Variants in RBFOX1 observed in about 807,000 individuals in gnomAD.
RBFOX1 encodes the protein RNA binding protein fox-1 homolog 1.
Under a neutral mutation model 57.7 loss-of-function variants are expected in RBFOX1, and 8 were observed. The ratio of observed to expected loss-of-function variants is 0.14; its 90% CI spans 0.08 to 0.25. The LOEUF is 0.25. Among genes scored for constraint, RBFOX1 ranks in the 10% least tolerant of loss-of-function variants. The pLI is 1.00. For synonymous variants in RBFOX1, 326 were observed against 222.4 expected (o/e 1.47, Z -4.15); for missense variants, 611 against 548.5 (o/e 1.11, Z -1.14).
At chr16:5,982,302 C>G (rs903853862) in intron 4 of RBFOX1, among the ~76,000 whole-genome samples, 3 of 151,530 alleles carry the variant, frequency 2.0e-5, no homozygotes, top group Non-Finnish European at 4.4e-5. Flanking sequence ...GAGATGGAGT[C>G]TCGCTCTGTT....
intron 2 of RBFOX1, among the ~76,000 whole-genome samples, chr16:5,486,644 T>G (rs1395569950): frequency 6.6e-6 from 1 of 152,186 alleles, no homozygotes; most frequent in East Asian, 1.9e-4. Flanking sequence ...TTAGCTTGAC[T>G]TGTCCATCAG....
chr16:6,876,260 T>A (rs11646938), intron 3 of RBFOX1, among the ~76,000 whole-genome samples: 1 of 152,078 alleles, frequency 6.6e-6, no homozygotes, highest in East Asian at 1.9e-4. Context: ...CCAGTCTTTC[T>A]ATTCTTGGGA....
chr16:6,640,655 T>A (rs2098480052), intron 2 of RBFOX1, among the ~76,000 whole-genome samples: 1 of 152,006 alleles, frequency 6.6e-6, no homozygotes, highest in Non-Finnish European at 1.5e-5. Context: ...ATAGAGCCAG[T>A]GTGGGAAGTA....
chr16:6,618,523 T>G (rs2098176576), intron 2 of RBFOX1, among the ~76,000 whole-genome samples: 1 of 152,304 alleles, frequency 6.6e-6, no homozygotes, highest in East Asian at 1.9e-4. Flanking sequence ...TTAATGTGGA[T>G]TTTGCTTATA....
chr16:6,692,851 C>G (rs1043229255), intron 3 of RBFOX1, among the ~76,000 whole-genome samples: 1 of 152,080 alleles, frequency 6.6e-6, no homozygotes, highest in Non-Finnish European at 1.5e-5. Flanking sequence ...CTACCATCAC[C>G]ACCATCATCA....
intron 1 of RBFOX1, among the ~76,000 whole-genome samples, chr16:5,412,491 T>G (rs1227578223): frequency 6.6e-6 from 1 of 152,202 alleles, no homozygotes; most frequent in East Asian, 1.9e-4. Flanking sequence ...GTCCAAGATT[T>G]ATAGCTCAAA....
chr16:7,145,174 C>T (rs1600888116), intron 4 of RBFOX1, among the ~76,000 whole-genome samples: 2 of 152,082 alleles, frequency 1.3e-5, no homozygotes, highest in South Asian at 4.1e-4. Context: ...CATTTCTTTA[C>T]CCCCTACCCT....
intron 4 of RBFOX1, among the ~76,000 whole-genome samples, chr16:7,285,077 T>G (rs2095622796): frequency 1.1e-4 from 12 of 112,184 alleles, no homozygotes; most frequent in African/African-American, 4.8e-5. Flanking sequence ...ATTCCTTACT[T>G]TTTTTTTTTT....
chr16:5,334,341 G>A (rs2064842863), intron 1 of RBFOX1, among the ~76,000 whole-genome samples: 1 of 152,168 alleles, frequency 6.6e-6, no homozygotes, highest in African/African-American at 2.4e-5. Flanking sequence ...GATGCCCTTT[G>A]GGTTGGATTT....
chr16:7,130,573 A>G (rs2070025656), intron 4 of RBFOX1, among the ~76,000 whole-genome samples: 1 of 152,208 alleles, frequency 6.6e-6, no homozygotes, highest in African/African-American at 2.4e-5. Context: ...ACAGTGAGTC[A>G]GTGTGCAAAT....
At chr16:5,516,882 C>T (rs1009823859) in intron 2 of RBFOX1, among the ~76,000 whole-genome samples, 14 of 152,148 alleles carry the variant, frequency 9.2e-5, no homozygotes, top group Admixed American at 3.9e-4. Context: ...CATCCCCAGC[C>T]GTGCAGAACT....
intron 2 of RBFOX1, among the ~76,000 whole-genome samples, chr16:6,643,129 T>C (rs1461675485): frequency 6.6e-6 from 1 of 152,218 alleles, no homozygotes; most frequent in Non-Finnish European, 1.5e-5. Context: ...TAGGGCTTAG[T>C]AATTAAAACA....
chr16:7,086,324 A>C (rs1276063452), intron 4 of RBFOX1, among the ~76,000 whole-genome samples: 2 of 152,194 alleles, frequency 1.3e-5, no homozygotes, highest in Non-Finnish European at 2.9e-5. Context: ...ACTAATGGTC[A>C]AAACTCAGAC....
intron 4 of RBFOX1, among the ~76,000 whole-genome samples, chr16:5,999,265 T>C (rs1264447987): frequency 6.6e-6 from 1 of 152,192 alleles, no homozygotes; most frequent in Non-Finnish European, 1.5e-5. Flanking sequence ...GAACATACTT[T>C]TCTGACTGCC....
intron 2 of RBFOX1, among the ~76,000 whole-genome samples, chr16:6,638,710 C>T (rs879930618): frequency 1.3e-4 from 20 of 152,068 alleles, no homozygotes; most frequent in Admixed American, 5.9e-4. Flanking sequence ...GCACTCATTC[C>T]GGAGTACAAA....
chr16:6,610,736 C>T (rs913798422), intron 2 of RBFOX1, among the ~76,000 whole-genome samples: 45 of 152,274 alleles, frequency 3.0e-4, no homozygotes, highest in Non-Finnish European at 7.4e-5. Flanking sequence ...GCAGCTTCCG[C>T]CAAACAATCA....
At chr16:7,470,573 TGGATGGATGGATGGATGGGC>T (rs1487818091) in intron 4 of RBFOX1, among the ~76,000 whole-genome samples, 9 of 151,538 alleles carry the variant, frequency 5.9e-5, no homozygotes, top group African/African-American at 2.2e-4. Flanking sequence ...GATGAGGTGA[TGGATGGATGGATGGATGGGC>T]GGATGGATGG....
At chr16:6,390,038 A>C (rs1273027434) in intron 2 of RBFOX1, among the ~76,000 whole-genome samples, 3 of 152,194 alleles carry the variant, frequency 2.0e-5, no homozygotes, top group African/African-American at 7.2e-5. Flanking sequence ...CAGGAGCTCC[A>C]TCTTCTCATG....
chr16:5,547,819 C>G (rs2045278714), intron 2 of RBFOX1, among the ~76,000 whole-genome samples: 1 of 151,996 alleles, frequency 6.6e-6, no homozygotes. Flanking sequence ...ACTACATGTG[C>G]TCATTTATAA....
Sources: allele counts gnomAD v4.1 joint callset (sites outside exome capture counted in the v4.1 genomes callset), GRCh38; gene constraint gnomAD v4.1.1; transcripts MANE v1.5; gene names NCBI Gene and HGNC (gene_info 2026-07-23, HGNC 2026-07-21).